MDGA2: variants seen among roughly 807,000 people sequenced by gnomAD.
MDGA2 encodes the protein MAM domain-containing glycosylphosphatidylinositol anchor protein 2.
A neutral mutation model predicts 117.8 loss-of-function variants in MDGA2; 40 were observed. The observed-to-expected ratio is 0.34, with a 90% confidence interval of 0.26 to 0.44. The LOEUF is 0.44. MDGA2 is among the 20% of genes least tolerant of loss of function. The pLI, the probability that MDGA2 is intolerant of heterozygous loss-of-function variation, is 1.00. For missense variants in MDGA2, 1,123 were observed against 1,250.6 expected, an observed-to-expected ratio of 0.90 and a Z score of 1.54; for synonymous variants, 452 against 439.0, an observed-to-expected ratio of 1.03 and a Z score of -0.37.
chr14:47,553,973 G>C (rs927885154), intron 1 of MDGA2, among the ~76,000 whole-genome samples: 1 of 152,118 alleles, frequency 6.6e-6, no homozygotes, highest in African/African-American at 2.4e-5. Context: ...TTTCGTCTGG[G>C]TTTTGTTGTT....
intron 1 of MDGA2, chr14:47,444,583 T>C (rs1358651830): frequency 6.5e-6 from 1 of 152,742 alleles, no homozygotes; most frequent in African/African-American, 2.4e-5. Flanking sequence ...GGTGATTTGA[T>C]TGCCTGTAGG....
intron 1 of MDGA2, among the ~76,000 whole-genome samples, chr14:47,641,958 G>A (rs563354460): frequency 6.6e-6 from 1 of 152,208 alleles, no homozygotes; most frequent in South Asian, 2.1e-4. Context: ...ACAATCTGCA[G>A]ATGAAAATAA....
At chr14:47,557,244 G>A (rs887152359) in intron 1 of MDGA2, among the ~76,000 whole-genome samples, 5 of 152,158 alleles carry the variant, frequency 3.3e-5, no homozygotes, top group African/African-American at 9.7e-5. Context: ...CTATAAGGGA[G>A]GCAAGATTTA....
intron 10 of MDGA2, among the ~76,000 whole-genome samples, chr14:46,917,450 C>T (rs956255442): frequency 5.3e-5 from 8 of 152,032 alleles, no homozygotes; most frequent in Admixed American, 2.0e-4. Flanking sequence ...GTATAATCTT[C>T]AATTTACAGG....
intron 1 of MDGA2, among the ~76,000 whole-genome samples, chr14:47,307,687 G>A (rs1322881540): frequency 7.9e-6 from 1 of 126,448 alleles, no homozygotes; most frequent in Non-Finnish European, 1.8e-5. Flanking sequence ...TACTCTGTGG[G>A]GGGGAAAAAA....
At chr14:47,673,527 C>T (rs1243990961) in intron 1 of MDGA2, among the ~76,000 whole-genome samples, 2 of 152,064 alleles carry the variant, frequency 1.3e-5, no homozygotes, top group Admixed American at 6.5e-5. Context: ...GGGTGCACCT[C>T]TAACCTCCCA....
At chr14:47,158,100 G>C (rs1379901180) in intron 3 of MDGA2, among the ~76,000 whole-genome samples, 1 of 151,960 alleles carries the variant, frequency 6.6e-6, no homozygotes, top group African/African-American at 2.4e-5. Context: ...ATAAAATGGT[G>C]GTTCCACAAA....
chr14:46,890,504 A>G lies in MDGA2; in HGVS notation c.2239-8283T>C, dbSNP rs577940589. Among the ~76,000 whole-genome samples, 12 of 152,264 alleles carry G rather than the reference A, an allele frequency of 7.9e-5. No homozygotes were observed. In the South Asian group the frequency reaches 2.5e-3, roughly 32 times the overall value. ...ATTTCTTATTTATATTTCTTTTAGC[A>G]TCAGTTACTGATTATAAAACAAAAC... On this transcript the variant is annotated intron_variant, in intron 10 of 16. Transcript: ENST00000399232.
intron 3 of MDGA2, among the ~76,000 whole-genome samples, chr14:47,170,673 G>C (rs1884086303): frequency 6.6e-6 from 1 of 152,060 alleles, no homozygotes; most frequent in Non-Finnish European, 1.5e-5. Context: ...ATTATTACAA[G>C]TTTATACAAA....
At position 47,032,828 on chromosome 14, in the gene MDGA2, A is replaced by C. The variant is rs539171464; in HGVS notation, c.1819+2183T>G. On this transcript the variant is annotated intron_variant, in intron 8 of 16. Transcript: ENST00000399232. ...TAACCAAGTTCTTCAGAAGATTTGG[A>C]AATATATGGAAGGGAGGTCCTTGAA... Among the ~76,000 whole-genome samples, 74 of 152,290 alleles carry C rather than the reference A, an allele frequency of 4.9e-4. 1 individual carries two copies. The South Asian group carries it at 0.015, about 31-fold the overall frequency.
intron 1 of MDGA2, among the ~76,000 whole-genome samples, chr14:47,397,721 A>T (rs1451155828): frequency 1.3e-5 from 2 of 152,196 alleles, no homozygotes; most frequent in Non-Finnish European, 2.9e-5. Context: ...ACATAGAGAT[A>T]TTTATATATA....
chr14:47,266,664 T>C (rs1887975649), intron 2 of MDGA2, among the ~76,000 whole-genome samples: 1 of 152,196 alleles, frequency 6.6e-6, no homozygotes, highest in South Asian at 2.1e-4. Context: ...TCTCTGGAAT[T>C]GTATTTTCCC....
chr14:47,428,801 AATAC>A (rs1270436177), intron 1 of MDGA2, among the ~76,000 whole-genome samples: 3 of 152,030 alleles, frequency 2.0e-5, no homozygotes, highest in Non-Finnish European at 4.4e-5. Flanking sequence ...ATATATGTAA[AATAC>A]ATACATATAT....
chr14:47,541,793 T>C (rs534832570), intron 1 of MDGA2, among the ~76,000 whole-genome samples: 7 of 152,310 alleles, frequency 4.6e-5, no homozygotes, highest in African/African-American at 1.7e-4. Flanking sequence ...TCTTAAGCCT[T>C]GCAATCACTT....
At chr14:47,359,899 C>T (rs1012050184) in intron 1 of MDGA2, among the ~76,000 whole-genome samples, 19 of 152,116 alleles carry the variant, frequency 1.2e-4, no homozygotes, top group African/African-American at 4.3e-4. Flanking sequence ...AACTAAAAGG[C>T]TTCTGCACAT....
intron 1 of MDGA2, among the ~76,000 whole-genome samples, chr14:47,318,756 G>A (rs1262975366): frequency 6.8e-6 from 1 of 147,736 alleles, no homozygotes; most frequent in Non-Finnish European, 1.5e-5. Flanking sequence ...ATCTGTAGTA[G>A]AATGAAAAGG....
At chr14:47,156,421 T>C (rs1883392255) in intron 3 of MDGA2, among the ~76,000 whole-genome samples, 1 of 152,186 alleles carries the variant, frequency 6.6e-6, no homozygotes, top group Non-Finnish European at 1.5e-5. Flanking sequence ...GAAGCATTTG[T>C]TTAGTCCACT....
chr14:46,936,334 C>A (rs1884780358), intron 9 of MDGA2, among the ~76,000 whole-genome samples: 2 of 152,048 alleles, frequency 1.3e-5, no homozygotes, highest in Admixed American at 6.6e-5. Context: ...TGGGCCTTCT[C>A]TTCTCCCATG....
At chr14:47,566,984 T>C (rs756451137) in intron 1 of MDGA2, among the ~76,000 whole-genome samples, 20 of 151,984 alleles carry the variant, frequency 1.3e-4, no homozygotes, top group South Asian at 4.2e-4. Context: ...TCACAGCACA[T>C]TGCAGCCTCA....
Sources: allele counts gnomAD v4.1 joint callset (sites outside exome capture counted in the v4.1 genomes callset), GRCh38; gene constraint gnomAD v4.1.1; transcripts MANE v1.5; gene names NCBI Gene and HGNC (gene_info 2026-07-23, HGNC 2026-07-21).